ROBO1: variants seen among roughly 807,000 people sequenced by gnomAD.
ROBO1 encodes the protein roundabout homolog 1.
Under a neutral mutation model 195.9 loss-of-function variants are expected in ROBO1, and 149 were observed. The observed-to-expected ratio is 0.76, with a 90% CI of 0.67 to 0.87. The LOEUF (loss-of-function observed/expected upper bound fraction) is 0.87, where lower values mean the gene tolerates loss of function less well. Among genes scored for constraint, ROBO1 ranks in the 40% least tolerant of loss-of-function variants. The pLI, the probability that ROBO1 is intolerant of heterozygous loss-of-function variation, is 0.00. For synonymous variants in ROBO1, 816 were observed against 733.2 expected (o/e 1.11, Z -1.82); for missense variants, 1,933 against 2,068.3 (o/e 0.93, Z 1.27).
intron 1 of ROBO1, among the ~76,000 whole-genome samples, chr3:79,755,995 A>G (rs988002546): frequency 6.6e-6 from 1 of 152,230 alleles, no homozygotes. Flanking sequence ...CAGTCATTTC[A>G]TTCCAAAACT....
At chr3:78,881,022 G>C (rs1467467508) in intron 4 of ROBO1, among the ~76,000 whole-genome samples, 1 of 152,112 alleles carries the variant, frequency 6.6e-6, no homozygotes, top group African/African-American at 2.4e-5. Flanking sequence ...GGATTCTGGA[G>C]GCCATTTCTT....
chr3:78,852,648 G>A (rs555150148), intron 4 of ROBO1, among the ~76,000 whole-genome samples: 2 of 152,270 alleles, frequency 1.3e-5, no homozygotes, highest in East Asian at 3.9e-4. Context: ...TGAGACAAAG[G>A]ATTTAGGCAG....
intron 1 of ROBO1, among the ~76,000 whole-genome samples, chr3:79,724,724 AAC>A (rs1702843881): frequency 6.6e-6 from 1 of 152,204 alleles, no homozygotes; most frequent in Non-Finnish European, 1.5e-5. Flanking sequence ...GTGAACAAGA[AAC>A]AGTGTCCCAG....
chr3:78,677,659 C>T (rs1364417758), intron 10 of ROBO1, among the ~76,000 whole-genome samples: 1 of 151,796 alleles, frequency 6.6e-6, no homozygotes, highest in Non-Finnish European at 1.5e-5. Flanking sequence ...TACAGGAGCA[C>T]CCAGATTCAT....
rs1490862482 is a variant in ROBO1 at position 78,864,709 on chromosome 3, T to TATACACATGTGTGTATATATACATAC, written c.499+73866_499+73891dup. Reference sequence around the variant, plus strand: ...TAATGCATGTATGTATATATACATATATACACATGTGTGTATATATACATA... The same window carrying TATACACATGTGTGTATATATACATAC: ...TAATGCATGTATGTATATATACATATATACACATGTGTGTATATATACATACATACACATGTGTGTATATATACATA... On this transcript the variant is annotated intron_variant, in intron 4 of 30. Transcript: ENST00000464233. Among the ~76,000 whole-genome samples, 7 of 152,108 alleles carry TATACACATGTGTGTATATATACATAC rather than the reference T, an allele frequency of 4.6e-5. No individual in the cohort carries two copies. The South Asian group carries it at 1.2e-3, about 27-fold the overall frequency.
intron 2 of ROBO1, among the ~76,000 whole-genome samples, chr3:79,298,225 A>C (rs1353385915): frequency 1.3e-5 from 2 of 152,174 alleles, no homozygotes; most frequent in Admixed American, 1.3e-4. Flanking sequence ...AGAGCAATCT[A>C]TAACCAGGCC....
rs1248440913 is a variant in ROBO1 at position 78,606,887 on chromosome 3, C to T, written c.4590G>A (p.Lys1530=). ...GTCTTCCATCCAACACTTCTCTCCC[C>T]TTGTAACTGCTTCCTTTTCTGTCTG... is the stretch of plus-strand genomic sequence containing the variant. ...RSSDRKGSSY[K]GREVLDGRQV... The change falls in exon 29 of 31, where the codon AAG becomes AAA. Residue 1530 remains lysine, a synonymous_variant. Transcript: ENST00000464233. 1.1e-5 allele frequency: 18 copies of T among 1,613,782 alleles called. No individual in the cohort carries two copies. Among genetic ancestry groups the T allele is most frequent in the Non-Finnish European group, 1.4e-5 (16 of 1,179,894 alleles).
chr3:79,623,655 TGAAAA>T (rs1466970426), intron 1 of ROBO1, among the ~76,000 whole-genome samples: 1 of 151,420 alleles, frequency 6.6e-6, no homozygotes, highest in Non-Finnish European at 1.5e-5. Context: ...AAAACAAGAA[TGAAAA>T]GAAATGAACA....
intron 1 of ROBO1, among the ~76,000 whole-genome samples, chr3:79,643,084 G>T (rs953994007): frequency 1.3e-5 from 2 of 151,956 alleles, no homozygotes; most frequent in Admixed American, 1.3e-4. Flanking sequence ...AGCTGCTAGT[G>T]TGGCTAAAAA....
At chr3:79,125,583 A>T in intron 2 of ROBO1, 44 bp from the exon 3 acceptor site, 3 of 1,466,522 alleles carry the variant, frequency 2.0e-6, no homozygotes, top group Non-Finnish European at 2.9e-6. Context: ...TCACAGTAGT[A>T]ACAGTAGTTG....
intron 4 of ROBO1, among the ~76,000 whole-genome samples, chr3:78,784,994 G>A (rs1241265331): frequency 6.6e-6 from 1 of 152,126 alleles, no homozygotes; most frequent in African/African-American, 2.4e-5. Flanking sequence ...CACTGCACAA[G>A]TACATCCAGC....
chr3:78,864,360 A>C (rs1261073888), intron 4 of ROBO1, among the ~76,000 whole-genome samples: 1 of 152,308 alleles, frequency 6.6e-6, no homozygotes, highest in South Asian at 2.1e-4. Context: ...TTTCTATATA[A>C]ATTGATATAG....
chr3:79,031,758 G>C (rs1285465425), intron 3 of ROBO1, among the ~76,000 whole-genome samples: 2 of 152,092 alleles, frequency 1.3e-5, no homozygotes, highest in Non-Finnish European at 2.9e-5. Context: ...GAAAAAGAAA[G>C]CTCAAGATTA....
chr3:79,105,179 G>A (rs551451425), intron 3 of ROBO1, among the ~76,000 whole-genome samples: 5 of 151,864 alleles, frequency 3.3e-5, no homozygotes, highest in South Asian at 2.1e-4. Context: ...TTTAACACAC[G>A]TGGGGAAAGA....
At chr3:78,904,354 C>A (rs970286143) in intron 4 of ROBO1, among the ~76,000 whole-genome samples, 3 of 152,024 alleles carry the variant, frequency 2.0e-5, no homozygotes, top group African/African-American at 7.2e-5. Context: ...AAGTTTTATA[C>A]ACCATAGCAT....
chr3:79,106,962 C>T (rs1279035920), intron 3 of ROBO1, among the ~76,000 whole-genome samples: 1 of 151,588 alleles, frequency 6.6e-6, no homozygotes, highest in Admixed American at 6.6e-5. Context: ...TGTTGCTCTG[C>T]TCAGCTAATC....
At chr3:79,531,631 A>G (rs928705720) in intron 2 of ROBO1, among the ~76,000 whole-genome samples, 7 of 152,216 alleles carry the variant, frequency 4.6e-5, no homozygotes, top group Admixed American at 3.9e-4. Context: ...TTAAGGTAGT[A>G]TACTAGAAAC....
At chr3:78,649,069 G>A (rs562273968) in intron 19 of ROBO1, among the ~76,000 whole-genome samples, 3 of 149,384 alleles carry the variant, frequency 2.0e-5, no homozygotes, top group Non-Finnish European at 4.4e-5. Context: ...TCTTTTCAGA[G>A]AGTCAATGTA....
At chr3:78,814,586 C>G (rs562694361) in intron 4 of ROBO1, among the ~76,000 whole-genome samples, 1 of 151,944 alleles carries the variant, frequency 6.6e-6, no homozygotes, top group African/African-American at 2.4e-5. Context: ...CAAAGCTAGA[C>G]AAGACCTGTA....
Sources: allele counts gnomAD v4.1 joint callset (sites outside exome capture counted in the v4.1 genomes callset), GRCh38; gene constraint gnomAD v4.1.1; transcripts MANE v1.5; gene names NCBI Gene and HGNC (gene_info 2026-07-23, HGNC 2026-07-21).